Variants in IGFBP7 observed in about 807,000 individuals in gnomAD.
The protein encoded by IGFBP7 is insulin-like growth factor-binding protein 7.
In IGFBP7, 31 loss-of-function variants were observed where a neutral mutation model predicts 29.4. That is an observed-to-expected ratio of 1.05 (90% CI 0.79 to 1.42). IGFBP7 has a LOEUF of 1.42. Ranked by LOEUF, IGFBP7 falls within the 40% of genes most tolerant of loss-of-function variation. The pLI is 0.00. For synonymous variants in IGFBP7, 172 were observed against 174.9 expected (o/e 0.98, Z 0.13); for missense variants, 393 against 395.5 (o/e 0.99, Z 0.05).
At chr4:57,109,076 A>G (rs2109811290) in intron 1 of IGFBP7, among the ~76,000 whole-genome samples, 1 of 152,312 alleles carries the variant, frequency 6.6e-6, no homozygotes. Context: ...GCCCACAAAT[A>G]ATTAGCTAGT....
At position 57,040,925 on chromosome 4, in the gene IGFBP7, T is replaced by C; in HGVS notation, c.484A>G (p.Ile162Val). ...SKGTCEQGPS[I>V]VTPPKDIWNV... ...CAGATGTCCTTGGGGGGCGTCACTA[T>C]GGAAGGACCTGCAGGAGAGGGCACA... is the stretch of plus-strand genomic sequence containing the variant. The change falls in exon 2 of 5, where the codon ATA (isoleucine) becomes GTA (valine). Residue 162 changes from isoleucine to valine, a missense_variant. Physicochemically the swap from Ile to Val is conservative, Grantham distance 29. Coordinates refer to ENST00000295666, the MANE Select transcript of IGFBP7 (RefSeq NM_001553.3). 2.5e-6 allele frequency: 4 copies of C among 1,612,036 alleles called. No individual in the cohort carries two copies. Among genetic ancestry groups the C allele is most frequent in the Non-Finnish European group, 3.4e-6 (4 of 1,178,056 alleles).
chr4:57,035,568 C>T (rs192067724), intron 2 of IGFBP7, among the ~76,000 whole-genome samples: 17 of 152,310 alleles, frequency 1.1e-4, no homozygotes, highest in Non-Finnish European at 2.4e-4. Context: ...TCCAGTGATT[C>T]TCCTGCCTCA....
chr4:57,050,420 T>G (rs1027703983), intron 1 of IGFBP7, among the ~76,000 whole-genome samples: 71 of 151,162 alleles, frequency 4.7e-4, no homozygotes, highest in African/African-American at 1.7e-3. Context: ...GATTTTTGTA[T>G]TTTTAGTAGA....
At chr4:57,039,096 A>AC (rs1724157821) in intron 2 of IGFBP7, among the ~76,000 whole-genome samples, 1 of 151,134 alleles carries the variant, frequency 6.6e-6, no homozygotes, top group Non-Finnish European at 1.5e-5. Context: ...AAAGACAAAA[A>AC]CGTAAGTGTA....
chr4:57,049,467 T>G (rs1724447210), intron 1 of IGFBP7, among the ~76,000 whole-genome samples: 1 of 152,204 alleles, frequency 6.6e-6, no homozygotes, highest in African/African-American at 2.4e-5. Flanking sequence ...CATTACATGT[T>G]CATTACCCCT....
intron 1 of IGFBP7, among the ~76,000 whole-genome samples, chr4:57,045,554 G>T (rs550571742): frequency 8.6e-5 from 13 of 152,028 alleles, no homozygotes; most frequent in African/African-American, 2.9e-4. Flanking sequence ...ACATGGAGGC[G>T]GGTTGGCCTC....
chr4:57,071,876 C>T (rs574259778), intron 1 of IGFBP7, among the ~76,000 whole-genome samples: 14 of 152,236 alleles, frequency 9.2e-5, no homozygotes, highest in Admixed American at 6.5e-5. Context: ...TGGCTCATGC[C>T]TGTAATCCCA....
rs182780832 is a variant in IGFBP7 at position 57,046,931 on chromosome 4, T to A, written c.476-5998A>T. The stretch of plus-strand genomic sequence containing the variant: ...TTAATTCTCATTCAATCTCTTTAGA[T>A]CCTTCTCAACCCTCTAAATTCATTT... On this transcript the variant is annotated intron_variant, in intron 1 of 4. Coordinates refer to ENST00000295666, the MANE Select transcript of IGFBP7 (RefSeq NM_001553.3). 5.9e-5 allele frequency among the ~76,000 whole-genome samples: 9 copies of A among 152,354 alleles called. No homozygotes were observed. The East Asian group carries it at 1.7e-3, about 29-fold the overall frequency.
At chr4:57,086,100 G>A (rs1009626942) in intron 1 of IGFBP7, among the ~76,000 whole-genome samples, 5 of 152,178 alleles carry the variant, frequency 3.3e-5, no homozygotes, top group African/African-American at 9.7e-5. Context: ...TCACAATCAT[G>A]GTGGAAGGCA....
intron 1 of IGFBP7, among the ~76,000 whole-genome samples, chr4:57,078,493 A>AG (rs1360324625): frequency 6.6e-6 from 1 of 152,148 alleles, no homozygotes; most frequent in African/African-American, 2.4e-5. Flanking sequence ...CTAAAAAAAA[A>AG]AAAGAAAAAT....
chr4:57,051,610 C>T (rs906094894), intron 1 of IGFBP7, among the ~76,000 whole-genome samples: 7 of 152,118 alleles, frequency 4.6e-5, no homozygotes, highest in East Asian at 3.9e-4. Flanking sequence ...GGAGGCTTAG[C>T]GCATTAAGAG....
At chr4:57,100,045 G>A (rs1277497663) in intron 1 of IGFBP7, among the ~76,000 whole-genome samples, 1 of 144,046 alleles carries the variant, frequency 6.9e-6, no homozygotes, top group African/African-American at 2.6e-5. Flanking sequence ...CAGGCTCTAC[G>A]TTTCTTATTT....
chr4:57,062,669 A>G (rs1724826544), intron 1 of IGFBP7, among the ~76,000 whole-genome samples: 1 of 152,196 alleles, frequency 6.6e-6, no homozygotes, highest in African/African-American at 2.4e-5. Context: ...TAATGTGAAA[A>G]TCAGTATTTG....
At chr4:57,038,476 C>G (rs566900838) in intron 2 of IGFBP7, among the ~76,000 whole-genome samples, 11 of 152,234 alleles carry the variant, frequency 7.2e-5, no homozygotes, top group African/African-American at 2.4e-4. Context: ...TTTGCCTAGG[C>G]TGGTTTCAAA....
At chr4:57,054,165 T>G (rs1286427605) in intron 1 of IGFBP7, among the ~76,000 whole-genome samples, 2 of 152,076 alleles carry the variant, frequency 1.3e-5, no homozygotes, top group Non-Finnish European at 2.9e-5. Context: ...CACTTCATCT[T>G]GGAGTCCCTG....
intron 2 of IGFBP7, among the ~76,000 whole-genome samples, chr4:57,035,740 C>T (rs1437964736): frequency 6.6e-6 from 1 of 152,204 alleles, no homozygotes; most frequent in Non-Finnish European, 1.5e-5. Flanking sequence ...GGATTACAGG[C>T]ATGAGCCACT....
Position 57,110,229 on chromosome 4 carries a change from C to G in IGFBP7, c.123G>C (p.Pro41=), listed in dbSNP as rs1420744728. 7.3e-7 allele frequency: 1 copy of G among 1,378,820 alleles called. No homozygotes were observed. The highest frequency in any genetic ancestry group is 9.3e-7 in the Non-Finnish European group (1 of 1,070,006). 85.4% of individuals were successfully genotyped at this position (1,378,820 alleles called of 1,614,324 possible). A position where few individuals can be genotyped will look rare whatever the true frequency, so the allele number is the denominator to read the frequency against. ...TCGPCEPASC[P]PLPPLGCLLG... ...GCAGGCAGCCCAGCGGGGGCAGGGG[C>G]GGGCAGGAGGCCGGCTCGCAGGGGC... The change falls in exon 1 of 5, where the codon CCG becomes CCC. Residue 41 remains proline (P), a synonymous_variant. Transcript: ENST00000295666.
chr4:57,109,211 G>C (rs1459351270), intron 1 of IGFBP7, among the ~76,000 whole-genome samples: 1 of 152,122 alleles, frequency 6.6e-6, no homozygotes, highest in African/African-American at 2.4e-5. Context: ...CTTGAGCTCA[G>C]GAGTTCGAGA....
chr4:57,031,118 C>G lies in IGFBP7; in HGVS notation c.*199G>C, dbSNP rs1405044854. ...TTTTATTTGTTTAATGATATGCATGCTTTTCTTCTGTAAATATATAATAAA... is the reference window on the plus strand; with the variant it reads ...TTTTATTTGTTTAATGATATGCATGGTTTTCTTCTGTAAATATATAATAAA... On this transcript the variant is annotated 3_prime_UTR_variant, in exon 5 of 5. Transcript: ENST00000295666. The G allele has an allele frequency of 2.8e-6, 2 of 715,154 alleles. No homozygotes were observed. Among genetic ancestry groups the G allele is most frequent in the Non-Finnish European group, 4.8e-6 (2 of 412,734 alleles). The allele number at this position is 715,154 out of a possible 1,614,324, so 44.3% of individuals were successfully genotyped here. A position where few individuals can be genotyped will look rare whatever the true frequency, so the allele number is the denominator to read the frequency against.
Sources: gnomAD v4.1 joint callset for allele counts (sites outside exome capture counted in the v4.1 genomes callset) on GRCh38, gnomAD v4.1.1 for gene constraint, MANE v1.5 for transcripts, NCBI Gene and HGNC (gene_info 2026-07-23, HGNC 2026-07-21) for gene names.